The following CSMD1 variants were observed in gnomAD, a reference collection of about 807,000 sequenced individuals.
The protein encoded by CSMD1 is CUB and Sushi multiple domains 1.
Under a neutral mutation model 417.5 loss-of-function variants are expected in CSMD1, and 213 were observed. That is an observed-to-expected ratio of 0.51 (90% CI 0.46 to 0.57). The LOEUF (loss-of-function observed/expected upper bound fraction) is 0.57, where lower values mean the gene tolerates loss of function less well. CSMD1 is among the 20% of genes least tolerant of loss of function. CSMD1 has a pLI of 0.00. For missense variants in CSMD1, 6,923 were observed against 4,529.7 expected (o/e 1.53, Z -15.17); for synonymous variants, 2,862 against 1,736.8 (o/e 1.65, Z -16.11).
chr8:4,906,466 G>C (rs2117068179), intron 1 of CSMD1, among the ~76,000 whole-genome samples: 1 of 151,978 alleles, frequency 6.6e-6, no homozygotes, highest in Middle Eastern at 3.4e-3. Flanking sequence ...GTTTTTTGTA[G>C]CAAAGGAATA....
At chr8:4,325,384 C>T (rs1401371987) in intron 3 of CSMD1, among the ~76,000 whole-genome samples, 1 of 152,102 alleles carries the variant, frequency 6.6e-6, no homozygotes, top group Admixed American at 6.6e-5. Context: ...GACAGACCTC[C>T]AAATCCCACT....
chr8:4,346,398 G>A, intron 3 of CSMD1, among the ~76,000 whole-genome samples: 1 of 152,202 alleles, frequency 6.6e-6, no homozygotes, highest in Middle Eastern at 3.4e-3. Flanking sequence ...CAGCCGAGTT[G>A]AACAGTTACA....
At position 3,627,326 on chromosome 8, in the gene CSMD1, C is replaced by G. The variant is rs77433886; in HGVS notation, c.1010-10529G>C. Among the ~76,000 whole-genome samples the G allele has an allele frequency of 3.4e-3, 518 of 152,230 alleles. 6 individuals are homozygous for G. Among genetic ancestry groups the G allele is most frequent in the African/African-American group, 0.012 (492 of 41,526 alleles). On this transcript the variant is annotated intron_variant, in intron 7 of 69. Coordinates refer to ENST00000635120, the MANE Select transcript of CSMD1 (RefSeq NM_033225.6). ...GAGAAGTAAAATTTAACACGTGATG[C>G]TATAATACGTGCGTTAAGACTTCAA...
intron 7 of CSMD1, among the ~76,000 whole-genome samples, chr8:3,688,548 T>C (rs376208394): frequency 1.4e-4 from 21 of 152,354 alleles, no homozygotes; most frequent in African/African-American, 5.1e-4. Flanking sequence ...TTAACTACAA[T>C]GCATGTGCTT....
At chr8:3,085,454 C>T (rs145969215) in intron 49 of CSMD1, among the ~76,000 whole-genome samples, 1,977 of 152,290 alleles carry the variant, frequency 0.013, 20 homozygotes, top group South Asian at 0.031. Context: ...TAGTCTAACT[C>T]TTCTTCCAAA....
intron 4 of CSMD1, among the ~76,000 whole-genome samples, chr8:4,016,760 T>C (rs1426537816): frequency 6.6e-6 from 1 of 152,214 alleles, no homozygotes; most frequent in Non-Finnish European, 1.5e-5. Context: ...AAGGGCTCTG[T>C]TGACCTAAGT....
At chr8:4,362,302 A>C (rs1801813590) in intron 3 of CSMD1, among the ~76,000 whole-genome samples, 1 of 151,782 alleles carries the variant, frequency 6.6e-6, no homozygotes, top group Admixed American at 6.6e-5. Context: ...CTTCAGGTGG[A>C]CTCCTTGGCC....
chr8:4,243,849 G>C (rs1446861978), intron 3 of CSMD1, among the ~76,000 whole-genome samples: 1 of 152,088 alleles, frequency 6.6e-6, no homozygotes, highest in African/African-American at 2.4e-5. Context: ...AACAGAGTAG[G>C]GACTGTGTTA....
intron 3 of CSMD1, among the ~76,000 whole-genome samples, chr8:4,184,671 A>G (rs1798563712): frequency 6.6e-6 from 1 of 152,170 alleles, no homozygotes; most frequent in Admixed American, 6.5e-5. Flanking sequence ...ATGGACACAA[A>G]GAGGGAAACA....
At chr8:4,466,939 C>A (rs555456227) in intron 2 of CSMD1, among the ~76,000 whole-genome samples, 1 of 151,760 alleles carries the variant, frequency 6.6e-6, no homozygotes, top group African/African-American at 2.4e-5. Flanking sequence ...ATTAGAATTT[C>A]CTGTGAACAT....
chr8:4,513,672 T>C (rs979236983), intron 2 of CSMD1, among the ~76,000 whole-genome samples: 3 of 152,218 alleles, frequency 2.0e-5, no homozygotes, highest in African/African-American at 4.8e-5. Context: ...GTACTCATAA[T>C]TGAGAAAGGT....
intron 52 of CSMD1, among the ~76,000 whole-genome samples, chr8:3,010,076 G>C (rs1337801225): frequency 6.6e-6 from 1 of 152,116 alleles, no homozygotes; most frequent in East Asian, 1.9e-4. Context: ...TTGCCTGCCG[G>C]TGTCACGTCT....
intron 68 of CSMD1, among the ~76,000 whole-genome samples, chr8:2,944,353 T>C (rs567521299): frequency 1.3e-5 from 2 of 152,302 alleles, no homozygotes; most frequent in East Asian, 3.9e-4. Flanking sequence ...ATGTGTGCAC[T>C]GAGGGTGGTC....
At chr8:3,887,953 AAGAAAACAG>A (rs1806676022) in intron 5 of CSMD1, among the ~76,000 whole-genome samples, 1 of 152,222 alleles carries the variant, frequency 6.6e-6, no homozygotes, top group African/African-American at 2.4e-5. Flanking sequence ...AGCAATACTT[AAGAAAACAG>A]AGAAAACAAG....
At chr8:4,044,880 C>T (rs1420875254) in intron 3 of CSMD1, among the ~76,000 whole-genome samples, 1 of 152,200 alleles carries the variant, frequency 6.6e-6, no homozygotes, top group Non-Finnish European at 1.5e-5. Context: ...AACTTTGCAG[C>T]CCTCAGGCCC....
chr8:3,578,437 G>C (rs544311050), intron 9 of CSMD1, among the ~76,000 whole-genome samples: 1 of 152,272 alleles, frequency 6.6e-6, no homozygotes, highest in Non-Finnish European at 1.5e-5. Flanking sequence ...TGGGTGTCGA[G>C]AAAATCTCGG....
intron 51 of CSMD1, among the ~76,000 whole-genome samples, chr8:3,019,843 G>C (rs1309373185): frequency 6.6e-6 from 1 of 152,240 alleles, no homozygotes; most frequent in Non-Finnish European, 1.5e-5. Flanking sequence ...TCAGGGGAGG[G>C]AGGAACTCAC....
At chr8:3,489,993 T>G (rs536445490) in intron 11 of CSMD1, among the ~76,000 whole-genome samples, 4 of 152,300 alleles carry the variant, frequency 2.6e-5, no homozygotes, top group African/African-American at 9.6e-5. Flanking sequence ...ATCTGTCATT[T>G]CTCCAATTAG....
At chr8:3,757,302 G>A (rs1797713634) in intron 5 of CSMD1, among the ~76,000 whole-genome samples, 1 of 152,156 alleles carries the variant, frequency 6.6e-6, no homozygotes, top group Non-Finnish European at 1.5e-5. Flanking sequence ...GGCTTTATGG[G>A]TCACATGGTC....
Sources: gnomAD v4.1 joint callset for allele counts (sites outside exome capture counted in the v4.1 genomes callset) on GRCh38, gnomAD v4.1.1 for gene constraint, MANE v1.5 for transcripts, NCBI Gene and HGNC (gene_info 2026-07-23, HGNC 2026-07-21) for gene names.